The following WDR4 variants were observed in gnomAD, a reference collection of about 807,000 sequenced individuals.
WDR4 encodes the protein tRNA (guanine-N(7)-)-methyltransferase non-catalytic subunit WDR4.
A neutral mutation model predicts 48.6 loss-of-function variants in WDR4; 47 were observed. That is an observed-to-expected ratio of 0.97 (90% CI 0.77 to 1.23). The LOEUF (loss-of-function observed/expected upper bound fraction) is 1.23. WDR4 is among the 50% of genes most tolerant of loss of function. The probability of loss-of-function intolerance (pLI) is 0.00; values close to 1 mark genes in which losing one functional copy is unlikely to be tolerated. For missense variants in WDR4, 606 were observed against 551.6 expected, an observed-to-expected ratio of 1.10 and a Z score of -0.99; for synonymous variants, 268 against 230.0, an observed-to-expected ratio of 1.17 and a Z score of -1.49.
At chr21:42,847,231 C>T (rs1602676373), downstream of WDR4, among the ~76,000 whole-genome samples, 2 of 152,160 alleles carry the variant, frequency 1.3e-5, no homozygotes, top group Admixed American at 6.6e-5. Context: ...GACCCAGTTG[C>T]GAGGCAGTCA....
At chr21:42,871,300 G>A (rs924016712) in intron 3 of WDR4, among the ~76,000 whole-genome samples, 2 of 152,174 alleles carry the variant, frequency 1.3e-5, no homozygotes, top group African/African-American at 4.8e-5. Flanking sequence ...AAGCAGACTA[G>A]GACAACTACT....
chr21:42,845,965 TCTACAAAAA>T (rs1395663046), downstream of WDR4, among the ~76,000 whole-genome samples: 1 of 151,910 alleles, frequency 6.6e-6, no homozygotes. Context: ...AGACACCATC[TCTACAAAAA>T]CTACAAAAAT....
the WDR4 span, among the ~76,000 whole-genome samples, chr21:42,888,860 C>T: frequency 6.6e-6 from 1 of 151,404 alleles, no homozygotes; most frequent in Admixed American, 6.6e-5. Flanking sequence ...ACCACCACAC[C>T]CAGCTAATTT....
chr21:42,855,788 A>G lies in WDR4; in HGVS notation c.628-8T>C. 6.5e-7 allele frequency: 1 copy of G among 1,544,660 alleles called. No homozygotes were observed. The highest frequency in any genetic ancestry group is 8.8e-7 in the Non-Finnish European group (1 of 1,142,554). On this transcript the variant is annotated splice_polypyrimidine_tract_variant and splice_region_variant and intron_variant, in intron 6 of 10. Coordinates refer to ENST00000398208, the MANE Select transcript of WDR4 (RefSeq NM_018669.6). ...GAGCCTCAGGGTGCCGTCCTGCACA[A>G]ACCAAACACACAGGTTAGCACATGG...
intron 1 of WDR4, among the ~76,000 whole-genome samples, chr21:42,878,448 C>T (rs1170950508): frequency 6.6e-6 from 1 of 152,194 alleles, no homozygotes; most frequent in Non-Finnish European, 1.5e-5. Context: ...GACCGTGAGT[C>T]TCTAAAACAA....
intron 3 of WDR4, among the ~76,000 whole-genome samples, 190 bp from the exon 4 acceptor site, chr21:42,863,786 T>C (rs979879089): frequency 2.6e-5 from 4 of 151,646 alleles, no homozygotes; most frequent in African/African-American, 9.7e-5. Flanking sequence ...CTTCGACAAA[T>C]TTACTTTCAC....
At chr21:42,869,252 G>A (rs192680331) in intron 3 of WDR4, among the ~76,000 whole-genome samples, 3 of 152,296 alleles carry the variant, frequency 2.0e-5, no homozygotes, top group Admixed American at 6.5e-5. Context: ...TAGCATGAGA[G>A]GACACCGAAC....
chr21:42,855,984 G>A (rs1037889866), intron 6 of WDR4, among the ~76,000 whole-genome samples: 6 of 152,186 alleles, frequency 3.9e-5, no homozygotes, highest in African/African-American at 1.4e-4. Context: ...GAAGGTGACC[G>A]ATTCCCTGTT....
At chr21:42,876,554 C>G in intron 2 of WDR4, 148 bp downstream of exon 2, 1 of 676,412 alleles carries the variant, frequency 1.5e-6, no homozygotes, top group Middle Eastern at 2.5e-4. Flanking sequence ...GTTACTTTTA[C>G]ATGTCTCTCC....
At chr21:42,889,733 A>G in the WDR4 span, among the ~76,000 whole-genome samples, 4 of 152,172 alleles carry the variant, frequency 2.6e-5, no homozygotes, top group African/African-American at 9.7e-5. Flanking sequence ...TTGGAGCCCA[A>G]GGGTTTTCCA....
chr21:42,846,244 A>AT (rs1379071435), downstream of WDR4, among the ~76,000 whole-genome samples: 1 of 152,170 alleles, frequency 6.6e-6, no homozygotes, highest in Non-Finnish European at 1.5e-5. Flanking sequence ...GTGCTGTGGG[A>AT]TTTTCACACA....
At chr21:42,844,480 C>T (rs189003358), downstream of WDR4, among the ~76,000 whole-genome samples, 18 of 152,268 alleles carry the variant, frequency 1.2e-4, no homozygotes, top group East Asian at 3.3e-3. Context: ...AAGAGACTTC[C>T]GAGAACGGAG....
intron 6 of WDR4, among the ~76,000 whole-genome samples, chr21:42,857,871 G>C (rs187663605): frequency 5.3e-5 from 8 of 152,200 alleles, no homozygotes; most frequent in African/African-American, 1.9e-4. Flanking sequence ...TGGGTGGATC[G>C]CTTGAGGTCA....
rs191632584 is a variant in WDR4, at chr21:42,852,184, G to A, written c.1045+71C>T. ...CCAGGTACCCCGGGCAGGTCACAGTGTGTGCTTCTGCTTTCTCTGGGGACC... is the reference window on the plus strand; with the variant it reads ...CCAGGTACCCCGGGCAGGTCACAGTATGTGCTTCTGCTTTCTCTGGGGACC... On this transcript the variant is annotated intron_variant, in intron 10 of 10. Transcript: ENST00000398208. 7 of 1,528,650 alleles carry A rather than the reference G, an allele frequency of 4.6e-6. No homozygotes were observed. The Admixed American group carries it at 1.2e-4, about 26-fold the overall frequency. 94.7% of individuals were successfully genotyped at this position (1,528,650 alleles called of 1,614,324 possible).
At chr21:42,863,003 C>T (rs1345645473) in intron 4 of WDR4, among the ~76,000 whole-genome samples, 1 of 152,170 alleles carries the variant, frequency 6.6e-6, no homozygotes, top group Non-Finnish European at 1.5e-5. Context: ...TCCTACAGCA[C>T]CTGGCACAGC....
the WDR4 span, among the ~76,000 whole-genome samples, chr21:42,887,864 G>C: frequency 6.6e-6 from 1 of 152,030 alleles, no homozygotes. Context: ...GTTGCAGTGA[G>C]TGAGCCAAGA....
At chr21:42,857,414 C>G (rs2058021188) in intron 6 of WDR4, among the ~76,000 whole-genome samples, 1 of 152,164 alleles carries the variant, frequency 6.6e-6, no homozygotes, top group African/African-American at 2.4e-5. Flanking sequence ...GGGCCCCACC[C>G]TGGGTGCACA....
chr21:42,854,679 C>T (rs1045481415), intron 7 of WDR4, 53 bp from the exon 8 acceptor site: 34 of 1,572,772 alleles, frequency 2.2e-5, no homozygotes, highest in South Asian at 3.5e-5. Flanking sequence ...GGCCCGACGC[C>T]GGGCGCTCTG....
Position 42,852,307 on chromosome 21 carries a change from G to T in WDR4, c.993C>A (p.Thr331=), listed in dbSNP as rs770120972. Reference sequence around the variant, plus strand: ...GAACACCAGAGACTTTCTTTAACACGGTGCTCTCAGGAACAGACTGCAGGC... The same window carrying T: ...GAACACCAGAGACTTTCTTTAACACTGTGCTCTCAGGAACAGACTGCAGGC... ...GDQWQSVPES[T]VLKKVSGVLR... The change falls in exon 10 of 11, where the codon ACC becomes ACA. Residue 331 remains threonine, a synonymous_variant. Transcript: ENST00000398208. 6.2e-7 allele frequency: 1 copy of T among 1,614,094 alleles called. No homozygotes were observed. Among genetic ancestry groups the T allele is most frequent in the East Asian group, 2.2e-5 (1 of 44,884 alleles).
Sources: gnomAD v4.1 joint callset for allele counts (sites outside exome capture counted in the v4.1 genomes callset) on GRCh38, gnomAD v4.1.1 for gene constraint, MANE v1.5 for transcripts, NCBI Gene and HGNC (gene_info 2026-07-23, HGNC 2026-07-21) for gene names.